ZNF251: variants seen among roughly 807,000 people sequenced by gnomAD.
The protein encoded by ZNF251 is zinc finger protein 251.
In ZNF251, 14 loss-of-function variants were observed where a neutral mutation model predicts 13.5. That is an observed-to-expected ratio of 1.04 (90% confidence interval 0.69 to 1.63). The LOEUF is 1.63. Ranked by LOEUF, ZNF251 falls within the 40% of genes most tolerant of loss-of-function variation. The pLI is 0.00. For synonymous variants in ZNF251, 287 were observed against 295.2 expected, an observed-to-expected ratio of 0.97 and a Z score of 0.28; for missense variants, 764 against 834.9, an observed-to-expected ratio of 0.92 and a Z score of 1.05.
At chr8:144,735,684 C>T (rs1004060694) in intron 4 of ZNF251, among the ~76,000 whole-genome samples, 3 of 152,190 alleles carry the variant, frequency 2.0e-5, no homozygotes, top group Non-Finnish European at 4.4e-5. Context: ...CAGACTCAAC[C>T]GCCCACCATA....
At chr8:144,739,735 C>T (rs1341927784) in intron 4 of ZNF251, among the ~76,000 whole-genome samples, 4 of 151,856 alleles carry the variant, frequency 2.6e-5, no homozygotes, top group Non-Finnish European at 5.9e-5. Flanking sequence ...CTTGTCTCTA[C>T]CAAAAATACA....
At chr8:144,738,541 T>C in intron 4 of ZNF251, 3 of 984,792 alleles carry the variant, frequency 3.0e-6, no homozygotes, top group Non-Finnish European at 3.6e-6. Context: ...GCTTTACTCA[T>C]CCCCGGCCCC....
At chr8:144,735,744 C>T (rs141001258) in intron 4 of ZNF251, among the ~76,000 whole-genome samples, 46 of 152,316 alleles carry the variant, frequency 3.0e-4, no homozygotes, top group Non-Finnish European at 5.9e-4. Context: ...ACCACACCCA[C>T]CTCCTGCTAA....
At chr8:144,736,648 C>T (rs767957969) in intron 4 of ZNF251, among the ~76,000 whole-genome samples, 12 of 149,896 alleles carry the variant, frequency 8.0e-5, no homozygotes, top group Admixed American at 3.3e-4. Context: ...GGCGCCACCA[C>T]GCCCAGCTAA....
intron 4 of ZNF251, among the ~76,000 whole-genome samples, chr8:144,750,902 T>G (rs1279691814): frequency 1.3e-5 from 2 of 149,922 alleles, no homozygotes; most frequent in South Asian, 2.1e-4. Context: ...CAGGCTGGAG[T>G]GCAGTAGTGC....
intron 4 of ZNF251, among the ~76,000 whole-genome samples, chr8:144,744,072 G>A (rs1824300735): frequency 6.9e-6 from 1 of 145,834 alleles, no homozygotes; most frequent in Non-Finnish European, 1.5e-5. Flanking sequence ...GGAGTGCAGT[G>A]GCTCAGTCTC....
chr8:144,736,213 TC>T (rs1426613101), intron 4 of ZNF251, among the ~76,000 whole-genome samples: 1 of 143,132 alleles, frequency 7.0e-6, no homozygotes, highest in Non-Finnish European at 1.5e-5. Flanking sequence ...CTCCCTCCTT[TC>T]CCGACTTGAG....
At chr8:144,728,815 C>T (rs374300804) in intron 4 of ZNF251, among the ~76,000 whole-genome samples, 15 of 152,180 alleles carry the variant, frequency 9.9e-5, no homozygotes, top group Middle Eastern at 3.4e-3. Context: ...GTTCGCCAGG[C>T]GCAGTGGCTC....
At chr8:144,754,903 G>A (rs1031098524) in intron 1 of ZNF251, 100 bp from the exon 2 acceptor site, 35 of 1,444,046 alleles carry the variant, frequency 2.4e-5, no homozygotes, top group Admixed American at 2.3e-4. Flanking sequence ...CCTGGGTCGC[G>A]GGAGGCAGGT....
chr8:144,722,766 A>G lies in ZNF251; in HGVS notation c.894T>C (p.Cys298=). The change falls in exon 5 of 5, where the codon TGT becomes TGC. Residue 298 remains cysteine (C), a synonymous_variant. Coordinates refer to ENST00000292562, the MANE Select transcript of ZNF251 (RefSeq NM_138367.2). This position sits in a 1 kb window ranked among gnomAD's most constrained non-coding sequence, Gnocchi z 4.8. ...TGEKPFGCGE[C]GKAFSRSSTL... is the part of the protein sequence containing the mutation. Reference sequence around the variant, plus strand: ...TTGAGCTTCGACTGAAAGCCTTCCCACACTCACCACAGCCAAAGGGTTTTT... The same window carrying G: ...TTGAGCTTCGACTGAAAGCCTTCCCGCACTCACCACAGCCAAAGGGTTTTT... 3 of 1,614,064 alleles carry G rather than the reference A, an allele frequency of 1.9e-6. No individual in the cohort carries two copies. In the South Asian group the frequency reaches 3.3e-5, roughly 18 times the overall value.
chr8:144,723,784 G>A (rs1469307684), intron 4 of ZNF251, among the ~76,000 whole-genome samples: 1 of 152,166 alleles, frequency 6.6e-6, no homozygotes, highest in Non-Finnish European at 1.5e-5. Context: ...GACAGAAACT[G>A]TGTAAATGTG....
chr8:144,738,759 C>A (rs376461159), intron 4 of ZNF251: 3 of 985,182 alleles, frequency 3.0e-6, no homozygotes, highest in African/African-American at 3.5e-5. Flanking sequence ...CGTGGGGGCA[C>A]CTGTTTGTGG....
intron 4 of ZNF251, among the ~76,000 whole-genome samples, chr8:144,739,999 A>C (rs1824083133): frequency 6.6e-6 from 1 of 151,692 alleles, no homozygotes; most frequent in Admixed American, 6.6e-5. Flanking sequence ...CAACAGAAAA[A>C]TACATGCCAG....
In ZNF251 at chr8:144,723,119, G is replaced by C. The variant is rs373541420; in HGVS notation, c.541C>G (p.Gln181Glu). ...GRERSLGERT[Q>E]ECSAFDRNLN... ...TTTCTATCAAATGCACTACACTCTT[G>C]GGTTCTTTCTCCCAAAGATCTTTCC... is the stretch of plus-strand genomic sequence containing the variant. Residue 181 changes from glutamine (Q) to glutamate (E), a missense_variant, in exon 5 of 5, where the codon CAA becomes GAA. By Grantham distance (29) the Gln-to-Glu change is conservative. Coordinates refer to ENST00000292562, the MANE Select transcript of ZNF251 (RefSeq NM_138367.2). 135 of 1,613,784 alleles carry C rather than the reference G, an allele frequency of 8.4e-5. No homozygotes were observed. The highest frequency in any genetic ancestry group is 1.1e-4 in the Non-Finnish European group (129 of 1,179,818).
intron 4 of ZNF251, among the ~76,000 whole-genome samples, chr8:144,748,128 C>T (rs1306704149): frequency 2.0e-5 from 3 of 151,968 alleles, no homozygotes; most frequent in Non-Finnish European, 4.4e-5. Flanking sequence ...GGCTGCAGTG[C>T]AATGGTGCAA....
Position 144,753,718 on chromosome 8 carries a change from G to T in ZNF251, c.242C>A (p.Ala81Asp), listed in dbSNP as rs1317261915. The T allele has an allele frequency of 1.3e-6, 2 of 1,596,776 alleles. No homozygotes were observed. Among genetic ancestry groups the T allele is most frequent in the African/African-American group, 1.3e-5 (1 of 74,766 alleles). ...KELWVLNLLG[A>D]EEPDILKSCQ... ...GCTTTTCAAGATATCTGGTTCCTCAGCTCCCAGAAGATTCAGGACCCAAAG... is the reference window on the plus strand; with the variant it reads ...GCTTTTCAAGATATCTGGTTCCTCATCTCCCAGAAGATTCAGGACCCAAAG... Residue 81 changes from alanine to aspartate, a missense_variant, in exon 4 of 5, where the codon GCT becomes GAT. Ala to Asp is a moderately radical substitution (Grantham distance 126). Coordinates refer to ENST00000292562, the MANE Select transcript of ZNF251 (RefSeq NM_138367.2).
intron 4 of ZNF251, among the ~76,000 whole-genome samples, chr8:144,750,309 G>A (rs1323057901): frequency 6.6e-6 from 1 of 152,134 alleles, no homozygotes. Flanking sequence ...GTTGGGGTGG[G>A]AAAGTGTTCT....
At position 144,722,476 on chromosome 8, in the gene ZNF251, T is replaced by C; in HGVS notation, c.1184A>G (p.His395Arg). The change falls in exon 5 of 5, where the codon CAT becomes CGT. Residue 395 changes from histidine to arginine, a missense_variant. By Grantham distance (29) the His-to-Arg change is conservative (BLOSUM62 0). Coordinates refer to ENST00000292562, the MANE Select transcript of ZNF251 (RefSeq NM_138367.2). This position sits in a 1 kb window ranked among gnomAD's most constrained non-coding sequence, Gnocchi z 4.8. ...AFSQSSSLFL[H>R]HRVHTGEKPY... ...TTTCTCTCCAGTATGAACCCGATGA[T>C]GGAGGAAAAGGCTTGAGCTCTGACT... is the stretch of plus-strand genomic sequence containing the variant. 10 of 1,614,086 alleles carry C rather than the reference T, an allele frequency of 6.2e-6. No individual in the cohort carries two copies. The highest frequency in any genetic ancestry group is 7.6e-6 in the Non-Finnish European group (9 of 1,179,956).
At chr8:144,751,546 T>G (rs1471216279) in intron 4 of ZNF251, among the ~76,000 whole-genome samples, 1 of 151,950 alleles carries the variant, frequency 6.6e-6, no homozygotes, top group Non-Finnish European at 1.5e-5. Context: ...AAAATCACTG[T>G]AAAAAATAAT....
Sources: gnomAD v4.1 joint callset for allele counts (sites outside exome capture counted in the v4.1 genomes callset) on GRCh38, gnomAD v4.1.1 for gene constraint, Gnocchi (gnomAD v3.1) non-coding constraint, MANE v1.5 for transcripts, NCBI Gene and HGNC (gene_info 2026-07-23, HGNC 2026-07-21) for gene names.